The following PARD3B variants were observed in gnomAD, a reference collection of about 807,000 sequenced individuals.
PARD3B encodes partitioning defective 3 homolog B.
In PARD3B, 103 loss-of-function variants were observed where a neutral mutation model predicts 130.2. That is an observed-to-expected ratio of 0.79 (90% CI 0.67 to 0.93). The LOEUF is 0.93. Ranked by LOEUF, PARD3B falls within the 40% of genes least tolerant of loss-of-function variation. The probability of loss-of-function intolerance (pLI) is 0.00; values close to 1 mark genes in which losing one functional copy is unlikely to be tolerated. For synonymous variants in PARD3B, 583 were observed against 553.2 expected (o/e 1.05, Z -0.76); for missense variants, 1,609 against 1,499.2 (o/e 1.07, Z -1.21).
At chr2:205,356,049 CA>C (rs2044181534) in intron 18 of PARD3B, among the ~76,000 whole-genome samples, 1 of 152,162 alleles carries the variant, frequency 6.6e-6, no homozygotes, top group Admixed American at 6.5e-5. Flanking sequence ...CTAACCATAT[CA>C]CATATTTACC....
intron 19 of PARD3B, among the ~76,000 whole-genome samples, chr2:205,430,376 A>T (rs942940371): frequency 2.0e-5 from 3 of 152,184 alleles, no homozygotes; most frequent in Non-Finnish European, 4.4e-5. Flanking sequence ...AAAAATGTTG[A>T]ATCTAACTAA....
chr2:205,180,327 T>A (rs576725640), intron 13 of PARD3B, among the ~76,000 whole-genome samples: 1 of 152,098 alleles, frequency 6.6e-6, no homozygotes, highest in African/African-American at 2.4e-5. Context: ...TATAGCAGAA[T>A]ATATAAACAT....
At chr2:204,895,145 C>G (rs911431625) in intron 2 of PARD3B, among the ~76,000 whole-genome samples, 5 of 151,850 alleles carry the variant, frequency 3.3e-5, no homozygotes, top group Admixed American at 2.6e-4. Flanking sequence ...AATCAAGGAG[C>G]CTGTTTAAAA....
intron 5 of PARD3B, among the ~76,000 whole-genome samples, chr2:205,107,739 A>G (rs1359342189): frequency 6.6e-6 from 1 of 152,242 alleles, no homozygotes; most frequent in Non-Finnish European, 1.5e-5. Flanking sequence ...AAACATCTTT[A>G]TTTAAAATAA....
At chr2:205,084,935 AT>A (rs1389001018) in intron 4 of PARD3B, among the ~76,000 whole-genome samples, 3 of 151,970 alleles carry the variant, frequency 2.0e-5, no homozygotes, top group Non-Finnish European at 2.9e-5. Flanking sequence ...GCTTTAAAAC[AT>A]TATTAGATGC....
At chr2:205,090,616 T>A (rs1167419969) in intron 4 of PARD3B, among the ~76,000 whole-genome samples, 1 of 152,190 alleles carries the variant, frequency 6.6e-6, no homozygotes, top group East Asian at 1.9e-4. Flanking sequence ...TCAGTTAATA[T>A]GAGTATCCAC....
At chr2:205,428,635 A>G (rs991742863) in intron 19 of PARD3B, among the ~76,000 whole-genome samples, 34 of 152,190 alleles carry the variant, frequency 2.2e-4, no homozygotes, top group Non-Finnish European at 4.7e-4. Flanking sequence ...TGATATTATC[A>G]TTTTAAAACT....
At chr2:205,514,166 A>G (rs1482928729) in intron 21 of PARD3B, among the ~76,000 whole-genome samples, 2 of 152,152 alleles carry the variant, frequency 1.3e-5, no homozygotes, top group African/African-American at 2.4e-5. Flanking sequence ...TAGATTTTCT[A>G]ACAACTGTGT....
At position 204,626,006 on chromosome 2, in the gene PARD3B, A is replaced by T. The variant is rs193267777; in HGVS notation, c.121-60175A>T. On this transcript the variant is annotated intron_variant, in intron 1 of 22. Coordinates refer to ENST00000406610, the MANE Select transcript of PARD3B (RefSeq NM_001302769.2). ...GAAATCCTAGTTTTCTGTATGTGAG[A>T]TAAGTGGTAGCTTTAATATTTCTGG... 1.8e-3 allele frequency among the ~76,000 whole-genome samples: 268 copies of T among 152,250 alleles called. 1 individual carries two copies. The highest frequency in any genetic ancestry group is 0.015 in the South Asian group (74 of 4,820).
intron 2 of PARD3B, among the ~76,000 whole-genome samples, chr2:204,724,573 C>T (rs753271007): frequency 7.2e-5 from 11 of 152,054 alleles, no homozygotes; most frequent in Admixed American, 3.3e-4. Flanking sequence ...AATTCTCTTC[C>T]AGGAATTCCC....
intron 2 of PARD3B, among the ~76,000 whole-genome samples, chr2:204,849,988 T>G (rs184191913): frequency 7.9e-5 from 12 of 152,330 alleles, no homozygotes; most frequent in Admixed American, 3.3e-4. Context: ...GCTGAAGCGT[T>G]AACGTATTAG....
Position 205,142,333 on chromosome 2 carries a change from T to A in PARD3B, c.1435-16389T>A, listed in dbSNP as rs979686555. On this transcript the variant is annotated intron_variant, in intron 10 of 22. Coordinates refer to ENST00000406610, the MANE Select transcript of PARD3B (RefSeq NM_001302769.2). The surrounding 1 kb of genome is among the most constrained non-coding windows in gnomAD (Gnocchi z 4.3). Reference sequence around the variant, plus strand: ...TTCCTTTACTAAACATGATAAAAAGTTTAGGTGAGAGGTGTTGAAAACTAT... The same window carrying A: ...TTCCTTTACTAAACATGATAAAAAGATTAGGTGAGAGGTGTTGAAAACTAT... Among the ~76,000 whole-genome samples, 6 of 152,036 alleles carry A rather than the reference T, an allele frequency of 3.9e-5. No homozygotes were observed. Among genetic ancestry groups the A allele is most frequent in the African/African-American group, 1.5e-4 (6 of 41,374 alleles).
chr2:205,436,435 A>T (rs1025410281), intron 19 of PARD3B, among the ~76,000 whole-genome samples: 1 of 152,130 alleles, frequency 6.6e-6, no homozygotes, highest in African/African-American at 2.4e-5. Context: ...AGAGGCCAGC[A>T]TGAGTTTGCC....
chr2:204,871,762 T>C (rs1197878162), intron 2 of PARD3B, among the ~76,000 whole-genome samples: 1 of 152,134 alleles, frequency 6.6e-6, no homozygotes, highest in African/African-American at 2.4e-5. Context: ...TTCTGCATTA[T>C]TTTCTAAATT....
chr2:204,711,791 A>G (rs557006151), intron 2 of PARD3B, among the ~76,000 whole-genome samples: 1 of 152,096 alleles, frequency 6.6e-6, no homozygotes, highest in East Asian at 1.9e-4. Flanking sequence ...CAATTGATCT[A>G]CCCACCTCGG....
At chr2:205,126,585 C>T (rs1027283782) in intron 10 of PARD3B, among the ~76,000 whole-genome samples, 3 of 144,436 alleles carry the variant, frequency 2.1e-5, no homozygotes, top group Non-Finnish European at 3.0e-5. Context: ...ACTAAAAATA[C>T]AAAAAAAAAA....
chr2:205,191,846 T>C (rs1385493658), intron 14 of PARD3B, among the ~76,000 whole-genome samples: 2 of 152,124 alleles, frequency 1.3e-5, no homozygotes, highest in Admixed American at 6.6e-5. Context: ...GGTTGATGGG[T>C]ACTTCCTTTC....
Position 205,244,705 on chromosome 2 carries a change from G to A in PARD3B, c.2141-1073G>A, listed in dbSNP as rs926620261. ...TTTTTTCAAAAAACTACTATAGGGC[G>A]ACCCATGTTATCTAATTCTTCCTAT... On this transcript the variant is annotated intron_variant, in intron 15 of 22. Coordinates refer to ENST00000406610, the MANE Select transcript of PARD3B (RefSeq NM_001302769.2). This position sits in a 1 kb window ranked among gnomAD's most constrained non-coding sequence, Gnocchi z 4.7. Among the ~76,000 whole-genome samples the A allele has an allele frequency of 3.3e-5, 5 of 151,938 alleles. No homozygotes were observed. The highest frequency in any genetic ancestry group is 9.7e-5 in the African/African-American group (4 of 41,350).
chr2:205,230,908 G>T lies in PARD3B; in HGVS notation c.2141-14870G>T, dbSNP rs985094407. Among the ~76,000 whole-genome samples, 93 of 152,120 alleles carry T rather than the reference G, an allele frequency of 6.1e-4. No homozygotes were observed. The highest frequency in any genetic ancestry group is 2.2e-3 in the African/African-American group (92 of 41,516). On this transcript the variant is annotated intron_variant, in intron 15 of 22. Coordinates refer to ENST00000406610, the MANE Select transcript of PARD3B (RefSeq NM_001302769.2). The surrounding 1 kb of genome is among the most constrained non-coding windows in gnomAD (Gnocchi z 4.1). ...CCTGGTGTTGCTTTCCACCATGACA[G>T]GGTGGAAAGCACTGAGTTCCAGTGC...
Sources: gnomAD v4.1 joint callset for allele counts (sites outside exome capture counted in the v4.1 genomes callset) on GRCh38, gnomAD v4.1.1 for gene constraint, Gnocchi (gnomAD v3.1) non-coding constraint, MANE v1.5 for transcripts, NCBI Gene and HGNC (gene_info 2026-07-23, HGNC 2026-07-21) for gene names.